SLX4IP: variants seen among roughly 807,000 people sequenced by gnomAD.
SLX4IP encodes SLX4 interacting protein.
In SLX4IP, 34 loss-of-function variants were observed where a neutral mutation model predicts 32.9. That is an observed-to-expected ratio of 1.03 (90% CI 0.79 to 1.38). The LOEUF (loss-of-function observed/expected upper bound fraction) is 1.38, where lower values mean the gene tolerates loss of function less well. Among genes scored for constraint, SLX4IP ranks in the 40% most tolerant of loss-of-function variants. The probability of loss-of-function intolerance (pLI) is 0.00; values close to 1 mark genes in which losing one functional copy is unlikely to be tolerated. For missense variants in SLX4IP, 444 were observed against 479.0 expected, an observed-to-expected ratio of 0.93 and a Z score of 0.68; for synonymous variants, 172 against 171.7, an observed-to-expected ratio of 1.00 and a Z score of -0.01.
chr20:10,571,739 A>C (rs1224186468), intron 4 of SLX4IP, among the ~76,000 whole-genome samples: 1 of 152,216 alleles, frequency 6.6e-6, no homozygotes, highest in Non-Finnish European at 1.5e-5. Context: ...TGTTGGGAGA[A>C]ATAAATGAAT....
intron 2 of SLX4IP, among the ~76,000 whole-genome samples, chr20:10,548,396 G>A (rs1030720616): frequency 2.6e-5 from 4 of 152,036 alleles, no homozygotes; most frequent in African/African-American, 9.7e-5. Context: ...CCGCCACCAC[G>A]CCCGGCTAAT....
intron 6 of SLX4IP, among the ~76,000 whole-genome samples, 192 bp downstream of exon 6, chr20:10,602,011 C>G (rs2066847800): frequency 2.0e-5 from 3 of 152,186 alleles, no homozygotes. Flanking sequence ...TTCTTTTCCT[C>G]AAGACCATTT....
intron 4 of SLX4IP, among the ~76,000 whole-genome samples, chr20:10,563,942 A>G (rs2066360045): frequency 6.6e-6 from 1 of 152,200 alleles, no homozygotes; most frequent in Admixed American, 6.5e-5. Context: ...TTCTGTGAAG[A>G]ATGTCATTGG....
rs144503499 is a variant in SLX4IP at position 10,440,711 on chromosome 20, G to A, written c.-30+5258G>A. On this transcript the variant is annotated intron_variant, in intron 1 of 7. Coordinates refer to ENST00000334534, the MANE Select transcript of SLX4IP (RefSeq NM_001009608.3). ...TCTGTTCTCCATCATAACAGTTTTTGCTTTGAAATGATTAGATTTTAAAAC... is the reference window on the plus strand; with the variant it reads ...TCTGTTCTCCATCATAACAGTTTTTACTTTGAAATGATTAGATTTTAAAAC... 3.4e-4 allele frequency among the ~76,000 whole-genome samples: 52 copies of A among 152,130 alleles called. No homozygotes were observed. The East Asian group carries it at 9.3e-3, about 27-fold the overall frequency.
At chr20:10,476,144 G>C (rs528155973) in intron 2 of SLX4IP, among the ~76,000 whole-genome samples, 1 of 144,064 alleles carries the variant, frequency 6.9e-6, no homozygotes, top group African/African-American at 2.4e-5. Flanking sequence ...ATCCCTCACT[G>C]TGTGTGTGTG....
intron 2 of SLX4IP, among the ~76,000 whole-genome samples, chr20:10,537,387 G>A (rs2066057157): frequency 6.6e-6 from 1 of 152,142 alleles, no homozygotes; most frequent in Non-Finnish European, 1.5e-5. Context: ...TCAACTAAGT[G>A]GGCTTTGTGT....
chr20:10,567,961 G>C (rs912818976), intron 4 of SLX4IP, among the ~76,000 whole-genome samples: 3 of 152,314 alleles, frequency 2.0e-5, no homozygotes, highest in African/African-American at 7.2e-5. Context: ...GGCGAGTGAA[G>C]CTATTGCCTT....
chr20:10,555,131 C>T (rs530774727), intron 2 of SLX4IP, among the ~76,000 whole-genome samples: 1 of 151,644 alleles, frequency 6.6e-6, no homozygotes, highest in South Asian at 2.1e-4. Context: ...TTTATATTTA[C>T]ATCTGATGGT....
intron 6 of SLX4IP, chr20:10,614,151 T>G (rs2067000471): frequency 9.2e-7 from 1 of 1,082,864 alleles, no homozygotes; most frequent in Non-Finnish European, 1.4e-6. Context: ...GGCCTCGCGT[T>G]GCACGCCCAG....
chr20:10,604,077 T>C (rs1301382262), intron 6 of SLX4IP, among the ~76,000 whole-genome samples: 1 of 152,186 alleles, frequency 6.6e-6, no homozygotes, highest in Non-Finnish European at 1.5e-5. Flanking sequence ...CTCCTGTGAG[T>C]ATTCCCTGGA....
In SLX4IP at chr20:10,621,306, TG is replaced by T; in HGVS notation, c.406-6del. On this transcript the variant is annotated splice_polypyrimidine_tract_variant and splice_region_variant and intron_variant, in intron 6 of 7. Coordinates refer to ENST00000334534, the MANE Select transcript of SLX4IP (RefSeq NM_001009608.3). ...TTCTGGTTGAACCTTTGTTATCTTTTGGAGTAGACAGAAAGAGTTCTCCATG... is the reference window on the plus strand; with the variant it reads ...TTCTGGTTGAACCTTTGTTATCTTTTGAGTAGACAGAAAGAGTTCTCCATG... The T allele has an allele frequency of 6.2e-7, 1 of 1,613,406 alleles. No homozygotes were observed. The highest frequency in any genetic ancestry group is 8.5e-7 in the Non-Finnish European group (1 of 1,179,308).
intron 2 of SLX4IP, among the ~76,000 whole-genome samples, chr20:10,469,553 A>T (rs994573935): frequency 6.6e-6 from 1 of 152,054 alleles, no homozygotes; most frequent in African/African-American, 2.4e-5. Flanking sequence ...GATACTTTTA[A>T]TTTTTTCCAA....
chr20:10,593,441 A>T (rs1447545979), intron 4 of SLX4IP, among the ~76,000 whole-genome samples: 1 of 152,130 alleles, frequency 6.6e-6, no homozygotes, highest in Admixed American at 6.5e-5. Flanking sequence ...CTGAGGTTAA[A>T]AAAAAAAGCT....
intron 1 of SLX4IP, among the ~76,000 whole-genome samples, chr20:10,436,989 T>C (rs1240022208): frequency 6.6e-6 from 1 of 152,000 alleles, no homozygotes; most frequent in Non-Finnish European, 1.5e-5. Context: ...ATTTGTACTT[T>C]TAATTTGTTA....
Position 10,623,478 on chromosome 20 carries a change from TAGAATG to T in SLX4IP, c.*101_*106del. The T allele has an allele frequency of 6.9e-7, 1 of 1,451,358 alleles. No individual in the cohort carries two copies. The allele number at this position is 1,451,358 out of a possible 1,614,324, so 89.9% of individuals were successfully genotyped here. On this transcript the variant is annotated 3_prime_UTR_variant, in exon 8 of 8. Transcript: ENST00000334534. ...ATGCCGGGATTTTAAAGGAATTAAT[TAGAATG>T]ACTAATTTAAATAGGAAGTGTGTTA...
chr20:10,480,316 C>T (rs2065510719), intron 2 of SLX4IP, among the ~76,000 whole-genome samples: 1 of 151,982 alleles, frequency 6.6e-6, no homozygotes, highest in African/African-American at 2.4e-5. Flanking sequence ...GGGAGGATCA[C>T]CTGAGCCTGG....
intron 2 of SLX4IP, among the ~76,000 whole-genome samples, chr20:10,486,119 A>G (rs998836271): frequency 6.6e-6 from 1 of 151,154 alleles, no homozygotes; most frequent in Non-Finnish European, 1.5e-5. Flanking sequence ...GGGTTTGTTT[A>G]TTTAGTTCTT....
chr20:10,544,702 A>G (rs1201931038), intron 2 of SLX4IP, among the ~76,000 whole-genome samples: 1 of 151,816 alleles, frequency 6.6e-6, no homozygotes, highest in Non-Finnish European at 1.5e-5. Context: ...TTTTCTTTTT[A>G]AAGAAAATCA....
chr20:10,466,457 C>T (rs1398211606), intron 2 of SLX4IP, among the ~76,000 whole-genome samples: 1 of 152,124 alleles, frequency 6.6e-6, no homozygotes, highest in East Asian at 1.9e-4. Flanking sequence ...TCCCCCCCAA[C>T]CTACTTTATT....
Sources: gnomAD v4.1 joint callset for allele counts (sites outside exome capture counted in the v4.1 genomes callset) on GRCh38, gnomAD v4.1.1 for gene constraint, MANE v1.5 for transcripts, NCBI Gene and HGNC (gene_info 2026-07-23, HGNC 2026-07-21) for gene names.